The following SCN10A variants were observed in gnomAD, a reference collection of about 807,000 sequenced individuals.
SCN10A encodes sodium channel protein type 10 subunit alpha.
SCN10A carries 162 observed loss-of-function variants against 170.7 expected under a neutral mutation model. The ratio of observed to expected loss-of-function variants is 0.95; its 90% CI spans 0.84 to 1.08. SCN10A has a LOEUF of 1.08. Among genes scored for constraint, SCN10A ranks in the 50% least tolerant of loss-of-function variants. SCN10A has a pLI of 0.00. For synonymous variants in SCN10A, 985 were observed against 904.6 expected (o/e 1.09, Z -1.59); for missense variants, 2,527 against 2,436.9 (o/e 1.04, Z -0.78).
intron 15 of SCN10A, among the ~76,000 whole-genome samples, chr3:38,734,994 C>T (rs1412500257): frequency 1.3e-5 from 2 of 151,754 alleles, no homozygotes; most frequent in Non-Finnish European, 2.9e-5. Context: ...CACGGTGAAA[C>T]CCCGTCTCTA....
chr3:38,698,557 T>A lies in SCN10A; in HGVS notation c.4663A>T (p.Ile1555Phe), dbSNP rs754130748. ...IVVVLSIASL[I>F]FSAILKSLQS... ...AGTGACTTAAGAATTGCAGAAAAAA[T>A]CAGGCCTTTAAAAGAAGGAAGAAAT... The change falls in exon 28 of 28, where the codon ATT (isoleucine) becomes TTT (phenylalanine). Residue 1555 changes from isoleucine (I) to phenylalanine (F), a missense_variant. Ile to Phe is a conservative substitution (Grantham distance 21, BLOSUM62 0). Coordinates refer to ENST00000449082, the MANE Select transcript of SCN10A (RefSeq NM_006514.4). 6.2e-7 allele frequency: 1 copy of A among 1,609,466 alleles called. No individual in the cohort carries two copies. Among genetic ancestry groups the A allele is most frequent in the Non-Finnish European group, 8.5e-7 (1 of 1,176,618 alleles).
Position 38,792,068 on chromosome 3 carries a change from A to T in SCN10A, c.371T>A (p.Ile124Asn). 1 of 1,613,746 alleles carries T rather than the reference A, an allele frequency of 6.2e-7. No individual in the cohort carries two copies. The highest frequency in any genetic ancestry group is 8.5e-7 in the Non-Finnish European group (1 of 1,179,758). Residue 124 changes from isoleucine (I) to asparagine (N), a missense_variant, in exon 3 of 28, where the codon ATC becomes AAC. Coordinates refer to ENST00000449082, the MANE Select transcript of SCN10A (RefSeq NM_006514.4). ...AGGATATGAGTGGACAGACACTTTG[A>T]TGGCCGTTCTTCTGATCAGGTTGAA... is the stretch of plus-strand genomic sequence containing the variant. ...SPFNLIRRTA[I>N]KVSVHSWFSL... is the part of the protein sequence containing the mutation.
chr3:38,703,503 T>G (rs2063178489), intron 26 of SCN10A, among the ~76,000 whole-genome samples: 1 of 152,240 alleles, frequency 6.6e-6, no homozygotes, highest in African/African-American at 2.4e-5. Context: ...ACAGAGCTTT[T>G]GCCTCTATCC....
intron 21 of SCN10A, among the ~76,000 whole-genome samples, chr3:38,714,835 G>A (rs80330106): frequency 0.045 from 6,883 of 152,216 alleles, 204 homozygotes; most frequent in East Asian, 0.1. Context: ...CATGAAAAAA[G>A]TTCCCCTGCT....
chr3:38,798,312 C>T (rs1475324899), intron 1 of SCN10A, among the ~76,000 whole-genome samples: 2 of 152,122 alleles, frequency 1.3e-5, no homozygotes, highest in Non-Finnish European at 2.9e-5. Context: ...TTTAACTCTA[C>T]AGAACTTACT....
chr3:38,813,806 A>T (rs2064455275), intron 1 of SCN10A, among the ~76,000 whole-genome samples: 1 of 152,242 alleles, frequency 6.6e-6, no homozygotes, highest in Non-Finnish European at 1.5e-5. Context: ...TAATAGTTCT[A>T]AGCCTCTCAG....
chr3:38,735,139 T>C (rs374319143), intron 15 of SCN10A, among the ~76,000 whole-genome samples: 2,066 of 130,394 alleles, frequency 0.016, 65 homozygotes, highest in East Asian at 0.097. Flanking sequence ...CACTGCACTC[T>C]AGCCTGGGTG....
At chr3:38,807,010 C>A (rs997248587) in intron 1 of SCN10A, among the ~76,000 whole-genome samples, 1 of 152,072 alleles carries the variant, frequency 6.6e-6, no homozygotes. Context: ...CCCCTTTACC[C>A]CAAATTTTCG....
At chr3:38,787,859 C>T (rs1175074655) in intron 4 of SCN10A, among the ~76,000 whole-genome samples, 2 of 150,448 alleles carry the variant, frequency 1.3e-5, no homozygotes, top group Admixed American at 1.3e-4. Flanking sequence ...GTGTTCCCCT[C>T]CCTGTGTCCA....
intron 26 of SCN10A, among the ~76,000 whole-genome samples, chr3:38,703,540 A>C (rs1343093532): frequency 6.6e-6 from 1 of 152,238 alleles, no homozygotes; most frequent in African/African-American, 2.4e-5. Context: ...CACTAAGATC[A>C]TGAATGACTT....
chr3:38,699,546 G>A (rs1479267983), intron 27 of SCN10A, among the ~76,000 whole-genome samples: 1 of 152,144 alleles, frequency 6.6e-6, no homozygotes, highest in Non-Finnish European at 1.5e-5. Flanking sequence ...CTTGCTCTTT[G>A]TTGTTATGCA....
At chr3:38,754,256 A>G (rs949161083) in intron 11 of SCN10A, among the ~76,000 whole-genome samples, 4 of 152,204 alleles carry the variant, frequency 2.6e-5, no homozygotes, top group East Asian at 1.9e-4. Flanking sequence ...ATCCAGCCCC[A>G]TAAGAGTGGA....
chr3:38,709,594 C>T lies in SCN10A; in HGVS notation c.4165G>A (p.Glu1389Lys), dbSNP rs2063250012. Residue 1389 changes from glutamate to lysine, a missense_variant, in exon 25 of 28, where the codon GAG becomes AAG. Physicochemically the swap from Glu to Lys is moderately conservative, Grantham distance 56 (BLOSUM62 1). Transcript: ENST00000449082. ...TACAAATACATGTACACGTTGTCCT[C>T]CCACTTGGGTTGCATGTTGACCTGT... ...SREVNMQPKW[E>K]DNVYMYLYFV... 6.2e-7 allele frequency: 1 copy of T among 1,607,190 alleles called. No individual in the cohort carries two copies. The highest frequency in any genetic ancestry group is 8.5e-7 in the Non-Finnish European group (1 of 1,176,742).
At chr3:38,805,214 T>C (rs147236724) in intron 1 of SCN10A, among the ~76,000 whole-genome samples, 97 of 152,268 alleles carry the variant, frequency 6.4e-4, no homozygotes, top group Non-Finnish European at 1.2e-3. Context: ...AGGATGTTAC[T>C]AGGACTGAGA....
chr3:38,707,836 G>C (rs533229786), intron 25 of SCN10A, among the ~76,000 whole-genome samples: 132 of 152,284 alleles, frequency 8.7e-4, no homozygotes, highest in African/African-American at 3.1e-3. Context: ...ATCTTTTCTG[G>C]AGAGGAGGAG....
At chr3:38,772,322 GAAAAA>G (rs147803028) in intron 4 of SCN10A, among the ~76,000 whole-genome samples, 2 of 133,872 alleles carry the variant, frequency 1.5e-5, no homozygotes, top group East Asian at 2.1e-4. Context: ...CCAAACAACT[GAAAAA>G]AAAAAAAAAA....
intron 20 of SCN10A, 144 bp downstream of exon 20, chr3:38,722,114 G>A (rs1467272965): frequency 1.2e-6 from 1 of 800,728 alleles, no homozygotes; most frequent in Non-Finnish European, 1.9e-6. Context: ...CCCTCGCCCT[G>A]GGCTGCAGCT....
intron 13 of SCN10A, among the ~76,000 whole-genome samples, chr3:38,743,992 A>C (rs1466188136): frequency 2.6e-5 from 4 of 152,228 alleles, no homozygotes; most frequent in Non-Finnish European, 5.9e-5. Flanking sequence ...TTCCTCGGCA[A>C]GACATGCATC....
intron 14 of SCN10A, among the ~76,000 whole-genome samples, chr3:38,741,279 C>T (rs999334787): frequency 8.0e-5 from 11 of 138,364 alleles, no homozygotes; most frequent in South Asian, 2.3e-4. Context: ...ATCATGTGTG[C>T]GTGTGTTTGA....
Sources: allele counts gnomAD v4.1 joint callset (sites outside exome capture counted in the v4.1 genomes callset), GRCh38; gene constraint gnomAD v4.1.1; transcripts MANE v1.5; gene names NCBI Gene and HGNC (gene_info 2026-07-23, HGNC 2026-07-21).